CD36: variants seen among roughly 807,000 people sequenced by gnomAD.
CD36 encodes platelet glycoprotein 4.
CD36 carries 119 observed loss-of-function variants against 55.2 expected under a neutral mutation model. That is an observed-to-expected ratio of 2.15 (90% confidence interval 1.86 to 2.51). CD36 has a LOEUF of 2.51. Ranked by LOEUF, CD36 falls within the 30% of genes most tolerant of loss-of-function variation. The pLI is 0.00. For missense variants in CD36, 819 were observed against 555.5 expected (o/e 1.47, Z -4.77); for synonymous variants, 186 against 193.6 (o/e 0.96, Z 0.33).
chr7:80,665,740 G>A (rs1797020759), intron 7 of CD36, among the ~76,000 whole-genome samples: 1 of 152,038 alleles, frequency 6.6e-6, no homozygotes, highest in Admixed American at 6.6e-5. Flanking sequence ...TTTTGTTTAA[G>A]CAATGGCTTG....
chr7:80,662,821 C>G (rs538760044), intron 5 of CD36, among the ~76,000 whole-genome samples, 169 bp from the exon 6 acceptor site: 1 of 152,282 alleles, frequency 6.6e-6, no homozygotes, highest in Admixed American at 6.5e-5. Context: ...GAAATGTAAT[C>G]ATCTAGGAAT....
chr7:80,647,701 T>G (rs3211810), intron 3 of CD36, among the ~76,000 whole-genome samples: 4,464 of 152,238 alleles, frequency 0.029, 222 homozygotes, highest in African/African-American at 0.1. Flanking sequence ...ATACAGGGGT[T>G]AAACAAAATT....
At position 80,677,724 on chromosome 7, in the gene CD36, GT is replaced by G. The variant is rs898425679; in HGVS notation, c.*1347del. The stretch of plus-strand genomic sequence containing the variant: ...ACATGTCCATCTAATATAAAGGAAA[GT>G]TTTTTAATCATTGAGGCATGTAGGG... On this transcript the variant is annotated 3_prime_UTR_variant, in exon 15 of 15. Coordinates refer to ENST00000447544, the MANE Select transcript of CD36 (RefSeq NM_001001548.3). 6.6e-6 allele frequency: 1 copy of G among 152,106 alleles called. No individual in the cohort carries two copies. The highest frequency in any genetic ancestry group is 1.5e-5 in the Non-Finnish European group (1 of 68,032). The allele number at this position is 152,106 out of a possible 1,614,324, so 9.4% of individuals were successfully genotyped here.
intron 1 of CD36, among the ~76,000 whole-genome samples, chr7:80,625,682 A>G (rs1793702258): frequency 1.3e-5 from 2 of 152,196 alleles, no homozygotes; most frequent in Admixed American, 6.6e-5. Context: ...TACCTATGCT[A>G]CAATAATTAG....
rs1562801820 is a variant in CD36 at position 80,656,618 on chromosome 7, A to T, written c.199A>T (p.Ile67Phe). ...CACAGAAGTTTACAGACAGTTTTGG[A>T]TCTTTGATGTGCAAAATCCACAGGA... is the stretch of plus-strand genomic sequence containing the variant. ...TGTEVYRQFW[I>F]FDVQNPQEVM... The change falls in exon 4 of 15, where the codon ATC becomes TTC. Residue 67 changes from isoleucine to phenylalanine, a missense_variant. Ile to Phe is a conservative substitution (Grantham distance 21). Transcript: ENST00000447544. 3.1e-6 allele frequency: 5 copies of T among 1,613,872 alleles called. No homozygotes were observed. Among genetic ancestry groups the T allele is most frequent in the Middle Eastern group, 3.3e-4 (2 of 6,060 alleles).
intron 7 of CD36, among the ~76,000 whole-genome samples, chr7:80,665,087 AGAAT>A (rs772522785): frequency 1.3e-4 from 20 of 152,268 alleles, no homozygotes; most frequent in Non-Finnish European, 2.9e-5. Context: ...ATGCAAAAAT[AGAAT>A]GAATATTTCA....
At chr7:80,634,323 A>G (rs1263233874), upstream of CD36, among the ~76,000 whole-genome samples, 1 of 152,030 alleles carries the variant, frequency 6.6e-6, no homozygotes, top group Non-Finnish European at 1.5e-5. Flanking sequence ...CACCCATTCA[A>G]TCTAGAATTA....
chr7:80,649,574 C>A lies in CD36; in HGVS notation c.120+2714C>A, dbSNP rs957879412. Reference sequence around the variant, plus strand: ...ATTAGAGGAGTAAAAGCATCAAACTCAAGATGTCCAGTGAGTTATTGATAG... The same window carrying A: ...ATTAGAGGAGTAAAAGCATCAAACTAAAGATGTCCAGTGAGTTATTGATAG... On this transcript the variant is annotated intron_variant, in intron 3 of 14. Coordinates refer to ENST00000447544, the MANE Select transcript of CD36 (RefSeq NM_001001548.3). 1.2e-3 allele frequency among the ~76,000 whole-genome samples: 178 copies of A among 151,946 alleles called. 1 individual carries two copies. The highest frequency in any genetic ancestry group is 1.8e-4 in the Non-Finnish European group (12 of 67,916).
rs1462058295 is a variant in CD36 at position 80,676,667 on chromosome 7, G to A, written c.*284G>A. On this transcript the variant is annotated 3_prime_UTR_variant, in exon 15 of 15. Coordinates refer to ENST00000447544, the MANE Select transcript of CD36 (RefSeq NM_001001548.3). ...TCTCTATGAATACCTTCATACAGCA[G>A]GTATAACTCTTTTCTTTATGGGCTT... 2 of 152,200 alleles carry A rather than the reference G, an allele frequency of 1.3e-5. No homozygotes were observed. The highest frequency in any genetic ancestry group is 1.3e-4 in the Admixed American group (2 of 15,284). The allele number at this position is 152,200 out of a possible 1,614,324, so 9.4% of individuals were successfully genotyped here.
At chr7:80,673,215 C>T in intron 12 of CD36, 140 bp from the exon 13 acceptor site, 1 of 534,786 alleles carries the variant, frequency 1.9e-6, no homozygotes. Flanking sequence ...TCAAAAACAA[C>T]TATATTAAAA....
At chr7:80,618,910 T>C (rs1793310765) in intron 1 of CD36, among the ~76,000 whole-genome samples, 1 of 152,200 alleles carries the variant, frequency 6.6e-6, no homozygotes. Context: ...CACTAAACAA[T>C]AGATTTTCAA....
intron 1 of CD36, among the ~76,000 whole-genome samples, chr7:80,609,057 G>A (rs1243008478): frequency 6.6e-6 from 1 of 151,868 alleles, no homozygotes; most frequent in African/African-American, 2.4e-5. Context: ...TTTGTCATGC[G>A]CTCCTTCTCT....
In CD36 at chr7:80,679,259, TTTG is replaced by T. The variant is rs1386098818; in HGVS notation, c.*2879_*2881del. 3.3e-5 allele frequency: 5 copies of T among 152,162 alleles called. No individual in the cohort carries two copies. Among genetic ancestry groups the T allele is most frequent in the African/African-American group, 1.2e-4 (5 of 41,438 alleles). 9.4% of individuals were successfully genotyped at this position (152,162 alleles called of 1,614,324 possible). On this transcript the variant is annotated 3_prime_UTR_variant, in exon 15 of 15. Transcript: ENST00000447544. ...TAAAATATTTGTGAAAATAAAAACT[TTTG>T]TTATTAGAAAAATGATTTTGCTTAT...
At chr7:80,602,628 T>C (rs1792303447) in intron 1 of CD36, among the ~76,000 whole-genome samples, 1 of 152,138 alleles carries the variant, frequency 6.6e-6, no homozygotes, top group Admixed American at 6.6e-5. Context: ...ATGCTATGGA[T>C]TTCTAGTTGC....
chr7:80,607,466 G>A (rs1792624453), intron 1 of CD36, among the ~76,000 whole-genome samples: 1 of 152,064 alleles, frequency 6.6e-6, no homozygotes, highest in Admixed American at 6.5e-5. Context: ...CTAAAACTAA[G>A]ATCTACTGAT....
intron 3 of CD36, 122 bp from the exon 4 acceptor site, chr7:80,656,418 T>C: frequency 1.3e-6 from 1 of 773,982 alleles, no homozygotes; most frequent in Non-Finnish European, 2.2e-6. Context: ...GCAAAGGTTC[T>C]CATGAATGAG....
At chr7:80,667,176 C>T (rs867357529) in intron 8 of CD36, among the ~76,000 whole-genome samples, 2 of 151,904 alleles carry the variant, frequency 1.3e-5, no homozygotes, top group Non-Finnish European at 2.9e-5. Context: ...GTCTATAATC[C>T]CAGCACTTTG....
intron 3 of CD36, among the ~76,000 whole-genome samples, chr7:80,651,193 C>G (rs985797174): frequency 6.6e-6 from 1 of 151,914 alleles, no homozygotes; most frequent in African/African-American, 2.4e-5. Context: ...ATTGAATACA[C>G]GTGGATATAA....
intron 1 of CD36, among the ~76,000 whole-genome samples, chr7:80,627,121 A>T (rs1310317505): frequency 1.3e-5 from 2 of 152,056 alleles, no homozygotes; most frequent in African/African-American, 4.8e-5. Context: ...TCATCATATT[A>T]AAGGTTCTCT....
Sources: allele counts gnomAD v4.1 joint callset (sites outside exome capture counted in the v4.1 genomes callset), GRCh38; gene constraint gnomAD v4.1.1; transcripts MANE v1.5; gene names NCBI Gene and HGNC (gene_info 2026-07-23, HGNC 2026-07-21).